The following RBFOX1 variants were observed in gnomAD, a reference collection of about 807,000 sequenced individuals.
RBFOX1 encodes RNA binding protein fox-1 homolog 1.
RBFOX1 carries 8 observed loss-of-function variants against 57.7 expected under a neutral mutation model. The ratio of observed to expected loss-of-function variants is 0.14; its 90% CI spans 0.08 to 0.25. The LOEUF is 0.25. Among genes scored for constraint, RBFOX1 ranks in the 10% least tolerant of loss-of-function variants. RBFOX1 has a pLI of 1.00. For missense variants in RBFOX1, 611 were observed against 548.5 expected (o/e 1.11, Z -1.14); for synonymous variants, 326 against 222.4 (o/e 1.47, Z -4.15).
chr16:6,812,612 A>G (rs1166183182), intron 3 of RBFOX1, among the ~76,000 whole-genome samples: 1 of 152,092 alleles, frequency 6.6e-6, no homozygotes, highest in African/African-American at 2.4e-5. Context: ...CCTGACCTCA[A>G]TTGATCCACC....
intron 12 of RBFOX1, among the ~76,000 whole-genome samples, chr16:7,655,664 T>C (rs1321195614): frequency 6.6e-6 from 1 of 152,000 alleles, no homozygotes; most frequent in African/African-American, 2.4e-5. Context: ...ATGTAATTAC[T>C]AAAGCAAGAT....
chr16:7,676,647 G>A lies in RBFOX1; in HGVS notation c.931-127G>A, dbSNP rs147203256. The A allele has an allele frequency of 3.9e-4, 312 of 795,702 alleles. 2 individuals carry two copies. In the East Asian group the frequency reaches 7.3e-3, roughly 19 times the overall value. 49.3% of individuals were successfully genotyped at this position (795,702 alleles called of 1,614,324 possible). ...TTTTGTATTTTCGCTTTGATACTAA[G>A]CTTTCATTAACCTCAACTTTAGCTC... On this transcript the variant is annotated intron_variant, in intron 13 of 15. Transcript: ENST00000550418.
chr16:5,689,741 A>T (rs950373606), intron 3 of RBFOX1, among the ~76,000 whole-genome samples: 2 of 152,188 alleles, frequency 1.3e-5, no homozygotes, highest in South Asian at 2.1e-4. Context: ...CAAGGAATAC[A>T]ATAGAGAACA....
intron 2 of RBFOX1, among the ~76,000 whole-genome samples, chr16:6,570,098 A>G (rs891064973): frequency 5.3e-5 from 8 of 152,232 alleles, no homozygotes; most frequent in African/African-American, 1.9e-4. Flanking sequence ...GTGCCGTTTA[A>G]ATAATGGACT....
intron 4 of RBFOX1, among the ~76,000 whole-genome samples, chr16:7,395,005 G>T (rs2098118217): frequency 6.6e-6 from 1 of 152,148 alleles, no homozygotes; most frequent in Admixed American, 6.5e-5. Flanking sequence ...AAATGTAATG[G>T]GCTGTGGTTG....
chr16:6,803,797 A>C (rs985929815), intron 3 of RBFOX1, among the ~76,000 whole-genome samples: 5 of 152,040 alleles, frequency 3.3e-5, no homozygotes, highest in African/African-American at 7.3e-5. Context: ...TTCGTTAGAG[A>C]GTTGTACTGG....
In RBFOX1 at chr16:7,297,671, G is replaced by A. The variant is rs539131585; in HGVS notation, c.28-220476G>A. 6.6e-5 allele frequency among the ~76,000 whole-genome samples: 10 copies of A among 152,110 alleles called. No homozygotes were observed. The South Asian group carries it at 2.1e-3, about 32-fold the overall frequency. ...TATTCTTTAGGAACGTGTAGCCTGG[G>A]GTCTTTATAATAACAACAGTTGTAG... On this transcript the variant is annotated intron_variant, in intron 4 of 15. Transcript: ENST00000550418.
chr16:6,096,951 T>A (rs2096252122), intron 1 of RBFOX1, among the ~76,000 whole-genome samples: 1 of 152,144 alleles, frequency 6.6e-6, no homozygotes, highest in Admixed American at 6.5e-5. Context: ...GCACTCCTGG[T>A]ATGGTTTGGC....
chr16:6,640,445 C>T (rs1193983143), intron 2 of RBFOX1, among the ~76,000 whole-genome samples: 1 of 151,858 alleles, frequency 6.6e-6, no homozygotes, highest in Non-Finnish European at 1.5e-5. Flanking sequence ...CCCATGTCTG[C>T]TAAAAATGCA....
chr16:7,537,087 C>T (rs1002875230), intron 5 of RBFOX1, among the ~76,000 whole-genome samples: 1 of 152,124 alleles, frequency 6.6e-6, no homozygotes, highest in South Asian at 2.1e-4. Context: ...AGAAAGAATC[C>T]CATCATTAGG....
intron 3 of RBFOX1, among the ~76,000 whole-genome samples, chr16:6,758,368 T>C (rs1301675905): frequency 2.6e-5 from 4 of 152,138 alleles, no homozygotes; most frequent in Non-Finnish European, 5.9e-5. Flanking sequence ...AGCAGAATGC[T>C]ATTATGTTCA....
intron 2 of RBFOX1, among the ~76,000 whole-genome samples, chr16:5,573,143 A>C (rs1596317606): frequency 6.6e-6 from 1 of 152,088 alleles, no homozygotes; most frequent in Non-Finnish European, 1.5e-5. Context: ...TCTGTTATGA[A>C]ACTCAAGTTG....
chr16:5,599,104 G>A (rs942104922), exon 3 of RBFOX1: 28 of 840,632 alleles, frequency 3.3e-5, no homozygotes, highest in Non-Finnish European at 4.9e-5. Context: ...GGGTTTGAGG[G>A]GAATAAATTT....
intron 1 of RBFOX1, among the ~76,000 whole-genome samples, chr16:5,427,502 T>C (rs2067597661): frequency 6.6e-6 from 1 of 152,108 alleles, no homozygotes. Context: ...GAAGAATTAT[T>C]TGAACCTAGG....
At chr16:6,490,100 G>T (rs553282600) in intron 2 of RBFOX1, among the ~76,000 whole-genome samples, 70 of 152,274 alleles carry the variant, frequency 4.6e-4, no homozygotes, top group African/African-American at 1.7e-3. Context: ...GCTGTTTGTT[G>T]TTCCACATTT....
chr16:7,282,525 G>A (rs1368235701), intron 4 of RBFOX1, among the ~76,000 whole-genome samples: 1 of 151,932 alleles, frequency 6.6e-6, no homozygotes. Context: ...CCTCTCCCTG[G>A]AGCCTTCTGC....
At chr16:6,082,560 A>G (rs78327323) in intron 1 of RBFOX1, among the ~76,000 whole-genome samples, 1,973 of 151,772 alleles carry the variant, frequency 0.013, 43 homozygotes, top group African/African-American at 0.046. Context: ...AAATAGGGCT[A>G]AGGGCTAACA....
At chr16:5,905,848 C>G (rs1413123810) in intron 4 of RBFOX1, among the ~76,000 whole-genome samples, 1 of 152,198 alleles carries the variant, frequency 6.6e-6, no homozygotes. Flanking sequence ...ATACACTCCC[C>G]AAATGCCTCC....
At chr16:5,358,968 C>G (rs2065469284) in intron 1 of RBFOX1, among the ~76,000 whole-genome samples, 1 of 152,196 alleles carries the variant, frequency 6.6e-6, no homozygotes, top group African/African-American at 2.4e-5. Flanking sequence ...CCTCCATTAC[C>G]CTTCCTAGCC....
Sources: allele counts gnomAD v4.1 joint callset (sites outside exome capture counted in the v4.1 genomes callset), GRCh38; gene constraint gnomAD v4.1.1; transcripts MANE v1.5; gene names NCBI Gene and HGNC (gene_info 2026-07-23, HGNC 2026-07-21).